The following ZGPAT variants were observed in gnomAD, a reference collection of about 807,000 sequenced individuals.
ZGPAT encodes zinc finger CCCH-type and G-patch domain containing, also known as zinc finger CCCH-type with G patch domain-containing protein.
In ZGPAT, 39 loss-of-function variants were observed where a neutral mutation model predicts 47.9. The ratio of observed to expected loss-of-function variants is 0.81; its 90% CI spans 0.63 to 1.06. The LOEUF (loss-of-function observed/expected upper bound fraction) is 1.06, where lower values mean the gene tolerates loss of function less well. ZGPAT is among the 50% of genes least tolerant of loss of function. ZGPAT has a pLI of 0.00. For missense variants in ZGPAT, 717 were observed against 681.4 expected (o/e 1.05, Z -0.58); for synonymous variants, 348 against 292.9 (o/e 1.19, Z -1.92).
At chr20:63,719,452 T>C (rs1338607712) in intron 2 of ZGPAT, among the ~76,000 whole-genome samples, 3 of 152,200 alleles carry the variant, frequency 2.0e-5, no homozygotes, top group African/African-American at 7.2e-5. Context: ...CTAGGCATTT[T>C]TCTTTGTTCT....
chr20:63,722,242 A>G (rs1371790122), intron 2 of ZGPAT, among the ~76,000 whole-genome samples: 1 of 152,182 alleles, frequency 6.6e-6, no homozygotes, highest in African/African-American at 2.4e-5. Context: ...GTGAGCTGGT[A>G]GTAGTGGCTG....
intron 4 of ZGPAT, chr20:63,734,226 A>C: frequency 4.1e-6 from 1 of 244,572 alleles, no homozygotes; most frequent in Non-Finnish European, 8.0e-6. Context: ...GTGTGTGTAT[A>C]TATGTGGGAG....
chr20:63,722,070 C>T (rs1266459607), intron 2 of ZGPAT, among the ~76,000 whole-genome samples: 1 of 151,888 alleles, frequency 6.6e-6, no homozygotes, highest in East Asian at 1.9e-4. Context: ...GCTGCCCCAG[C>T]CCTGAGAGAG....
chr20:63,735,815 C>T lies in ZGPAT; in HGVS notation c.1432C>T (p.Leu478=). 6.2e-7 allele frequency: 1 copy of T among 1,611,236 alleles called. No individual in the cohort carries two copies. Among genetic ancestry groups the T allele is most frequent in the Non-Finnish European group, 8.5e-7 (1 of 1,179,286 alleles). Residue 478 remains leucine, a synonymous_variant, in exon 7 of 7, where the codon CTG becomes TTG. Coordinates refer to ENST00000355969, the MANE Select transcript of ZGPAT (RefSeq NM_181485.3). ...GGCGTCAGCCCAGCTGCAGGAGAAGCTGGCAGGAGCCCAGCGCCAGCTGGG... is the reference window on the plus strand; with the variant it reads ...GGCGTCAGCCCAGCTGCAGGAGAAGTTGGCAGGAGCCCAGCGCCAGCTGGG... ...SVASAQLQEK[L]AGAQRQLGQL...
intron 2 of ZGPAT, among the ~76,000 whole-genome samples, chr20:63,711,340 A>C (rs1453743279): frequency 1.3e-5 from 2 of 152,080 alleles, no homozygotes; most frequent in African/African-American, 4.8e-5. Flanking sequence ...ACTTTCATTC[A>C]TCTGTGCAAC....
In ZGPAT at chr20:63,734,746, G is replaced by A. The variant is rs2091960776; in HGVS notation, c.913G>A (p.Ala305Thr). Residue 305 changes from alanine (A) to threonine (T), a missense_variant, in exon 5 of 7, where the codon GCC becomes ACC. By Grantham distance (58) the Ala-to-Thr change is moderately conservative. Coordinates refer to ENST00000355969, the MANE Select transcript of ZGPAT (RefSeq NM_181485.3). ...DAVDSGTCSS[A>T]FAGWEVHTRG... ...TGTGGACTCTGGGACCTGCAGCTCT[G>A]CCTTTGCTGGCTGGGAGGTGCACAC... 1 of 1,613,990 alleles carries A rather than the reference G, an allele frequency of 6.2e-7. No individual in the cohort carries two copies. The highest frequency in any genetic ancestry group is 1.7e-5 in the Admixed American group (1 of 59,988).
intron 2 of ZGPAT, among the ~76,000 whole-genome samples, chr20:63,727,300 G>C (rs1276294632): frequency 6.7e-6 from 1 of 150,146 alleles, no homozygotes; most frequent in African/African-American, 2.5e-5. Context: ...GAGTGCAGTG[G>C]TGCCATCTCG....
chr20:63,725,219 C>T (rs6010631), intron 2 of ZGPAT, among the ~76,000 whole-genome samples: 8,174 of 152,192 alleles, frequency 0.054, 743 homozygotes, highest in African/African-American at 0.19. Context: ...CTCCTGACCT[C>T]GTGATCCGCC....
chr20:63,716,159 A>G lies in ZGPAT; in HGVS notation c.584+6995A>G, dbSNP rs1601322577. On this transcript the variant is annotated intron_variant, in intron 2 of 6. Coordinates refer to ENST00000355969, the MANE Select transcript of ZGPAT (RefSeq NM_181485.3). ...ATTCTCCCACCTCAGCCTCCCCAGT[A>G]TCTCGGACTACAGGCGCACGCCAGC... Among the ~76,000 whole-genome samples the G allele has an allele frequency of 9.2e-5, 14 of 152,090 alleles. No individual in the cohort carries two copies. The South Asian group carries it at 2.9e-3, about 32-fold the overall frequency.
Position 63,733,712 on chromosome 20 carries a change from G to A in ZGPAT, c.844G>A (p.Gly282Ser), listed in dbSNP as rs1005018219. The A allele has an allele frequency of 9.3e-6, 15 of 1,613,276 alleles. No individual in the cohort carries two copies. The African/African-American group carries it at 1.3e-4, about 14-fold the overall frequency. ...CACAGAGTCCGACTCAGACAGCGAC[G>A]GTACGGGTGACTCCAGCTATGCCAG... is the stretch of plus-strand genomic sequence containing the variant. Reference protein sequence around the residue: ...EATESDSDSDGTGDSSYARVV... With the variant: ...EATESDSDSDSTGDSSYARVV... The change falls in exon 4 of 7, where the codon GGT (glycine) becomes AGT (serine). Residue 282 changes from glycine to serine, a missense_variant. Physicochemically the swap from Gly to Ser is moderately conservative, Grantham distance 56. Coordinates refer to ENST00000355969, the MANE Select transcript of ZGPAT (RefSeq NM_181485.3).
intron 2 of ZGPAT, among the ~76,000 whole-genome samples, chr20:63,727,614 G>A (rs2091858286): frequency 6.8e-6 from 1 of 147,358 alleles, no homozygotes; most frequent in South Asian, 2.2e-4. Flanking sequence ...GAGGTGCATT[G>A]AGCTGAGATC....
intron 2 of ZGPAT, among the ~76,000 whole-genome samples, chr20:63,711,775 G>T (rs2091671055): frequency 6.6e-6 from 1 of 151,916 alleles, no homozygotes; most frequent in Admixed American, 6.6e-5. Context: ...TTTAGTAGAG[G>T]CAGGGTTTCA....
chr20:63,709,235 C>A, intron 2 of ZGPAT, 71 bp downstream of exon 2: 1 of 1,550,004 alleles, frequency 6.5e-7, no homozygotes, highest in South Asian at 1.1e-5. Context: ...GGGTCAGGAT[C>A]GGCCCTCCCT....
At position 63,708,618 on chromosome 20, in the gene ZGPAT, A is replaced by G. The variant is rs776191646; in HGVS notation, c.38A>G (p.Tyr13Cys). ...AGCCTGGAGTCGGCCTTGCAGACCT[A>G]CCGTGCGCAGCTGCAGCAGGTGGAG... Reference protein sequence around the residue: ...EESLESALQTYRAQLQQVELA... With the variant: ...EESLESALQTCRAQLQQVELA... Residue 13 changes from tyrosine (Y) to cysteine (C), a missense_variant, in exon 2 of 7, where the codon TAC (tyrosine) becomes TGC (cysteine). By Grantham distance (194) the Tyr-to-Cys change is radical. Transcript: ENST00000355969. 3.7e-6 allele frequency: 6 copies of G among 1,610,498 alleles called. No homozygotes were observed. Among genetic ancestry groups the G allele is most frequent in the Non-Finnish European group, 5.1e-6 (6 of 1,178,520 alleles).
chr20:63,733,278 T>G lies in ZGPAT; in HGVS notation c.644T>G (p.Leu215Arg). 6.2e-7 allele frequency: 1 copy of G among 1,613,720 alleles called. No individual in the cohort carries two copies. The change falls in exon 3 of 7, where the codon CTG becomes CGG. Residue 215 changes from leucine (L) to arginine (R), a missense_variant. Coordinates refer to ENST00000355969, the MANE Select transcript of ZGPAT (RefSeq NM_181485.3). ...CTGCGCCCCTTCCAGGACCCAGACCTGAGCTCCCTGCAGGCCGGCTCTGCG... is the reference window on the plus strand; with the variant it reads ...CTGCGCCCCTTCCAGGACCCAGACCGGAGCTCCCTGCAGGCCGGCTCTGCG... The part of the protein sequence containing the change: ...DELRPFQDPD[L>R]SSLQAGSACL...
intron 2 of ZGPAT, among the ~76,000 whole-genome samples, chr20:63,714,353 G>T (rs1269469970): frequency 6.6e-6 from 1 of 151,610 alleles, no homozygotes; most frequent in Non-Finnish European, 1.5e-5. Flanking sequence ...TTGAACCTGG[G>T]GGGCGGAGGT....
intron 2 of ZGPAT, among the ~76,000 whole-genome samples, chr20:63,722,270 T>C (rs1337339816): frequency 2.0e-5 from 3 of 152,206 alleles, no homozygotes; most frequent in African/African-American, 7.2e-5. Flanking sequence ...ATAGCCCAGC[T>C]GTCCTCCTGA....
intron 2 of ZGPAT, among the ~76,000 whole-genome samples, chr20:63,711,779 G>C (rs924603835): frequency 6.6e-6 from 1 of 152,030 alleles, no homozygotes; most frequent in Admixed American, 6.6e-5. Context: ...GTAGAGGCAG[G>C]GTTTCACCAT....
chr20:63,732,343 G>GTGTGCATGTGTC, intron 2 of ZGPAT, among the ~76,000 whole-genome samples: 1 of 36,224 alleles, frequency 2.8e-5, no homozygotes. Context: ...GTGTGTGGGT[G>GTGTGCATGTGTC]AGGTGTGTGT....
Sources: gnomAD v4.1 joint callset for allele counts (sites outside exome capture counted in the v4.1 genomes callset) on GRCh38, gnomAD v4.1.1 for gene constraint, MANE v1.5 for transcripts, NCBI Gene and HGNC (gene_info 2026-07-23, HGNC 2026-07-21) for gene names.